TAFA1: variants seen among roughly 807,000 people sequenced by gnomAD.
The protein encoded by TAFA1 is chemokine-like protein TAFA-1.
TAFA1 carries 4 observed loss-of-function variants against 18.5 expected under a neutral mutation model. The ratio of observed to expected loss-of-function variants is 0.22; its 90% CI spans 0.11 to 0.49. The LOEUF is 0.49. TAFA1 is among the 20% of genes least tolerant of loss of function. The probability of loss-of-function intolerance (pLI) is 0.98; values close to 1 mark genes in which losing one functional copy is unlikely to be tolerated. For synonymous variants in TAFA1, 56 were observed against 55.2 expected (o/e 1.01, Z -0.06); for missense variants, 147 against 169.0 (o/e 0.87, Z 0.72).
At chr3:68,196,390 A>T (rs1484116633) in intron 2 of TAFA1, among the ~76,000 whole-genome samples, 1 of 151,680 alleles carries the variant, frequency 6.6e-6, no homozygotes, top group Non-Finnish European at 1.5e-5. Context: ...CAATCAATCA[A>T]TCTATCTATC....
intron 2 of TAFA1, among the ~76,000 whole-genome samples, chr3:68,063,496 G>T (rs541661520): frequency 1.8e-4 from 27 of 152,216 alleles, no homozygotes; most frequent in African/African-American, 6.5e-4. Context: ...TTTTTAAAAG[G>T]TTACATTTCA....
chr3:68,434,740 C>T (rs1204759727), intron 3 of TAFA1, among the ~76,000 whole-genome samples: 1 of 152,004 alleles, frequency 6.6e-6, no homozygotes, highest in African/African-American at 2.4e-5. Flanking sequence ...GACTGACTGA[C>T]AGAATTTGGT....
rs567213964 is a variant in TAFA1 at position 68,428,286 on chromosome 3, A to G, written c.259+10866A>G. ...GATGTGACTTTATCTAAAGATCCAT[A>G]TCTCCAGCCTCCAGCCAAGAGAACA... On this transcript the variant is annotated intron_variant, in intron 3 of 4. Transcript: ENST00000478136. Among the ~76,000 whole-genome samples, 5 of 152,022 alleles carry G rather than the reference A, an allele frequency of 3.3e-5. No homozygotes were observed. In the East Asian group the frequency reaches 9.7e-4, roughly 30 times the overall value.
At chr3:68,320,696 G>C (rs2106704788) in intron 2 of TAFA1, among the ~76,000 whole-genome samples, 1 of 152,260 alleles carries the variant, frequency 6.6e-6, no homozygotes, top group Admixed American at 6.5e-5. Flanking sequence ...AAGCTCTTCT[G>C]TCACCTCTGT....
At chr3:68,337,310 G>T (rs554854767) in intron 2 of TAFA1, among the ~76,000 whole-genome samples, 7 of 151,974 alleles carry the variant, frequency 4.6e-5, no homozygotes, top group African/African-American at 1.7e-4. Context: ...CAGGGGGAGC[G>T]GGGGTGGTGC....
intron 2 of TAFA1, among the ~76,000 whole-genome samples, chr3:68,184,384 A>C (rs1035140396): frequency 3.3e-5 from 5 of 152,094 alleles, no homozygotes; most frequent in Admixed American, 2.0e-4. Flanking sequence ...AAATTATTAG[A>C]GTCTGTATTT....
intron 2 of TAFA1, among the ~76,000 whole-genome samples, chr3:68,345,101 T>C (rs1407744975): frequency 6.6e-6 from 1 of 151,630 alleles, no homozygotes; most frequent in African/African-American, 2.4e-5. Context: ...ATTGGCATCA[T>C]ATGGAGTGTA....
chr3:68,065,774 A>G (rs916540476), intron 2 of TAFA1, among the ~76,000 whole-genome samples: 1 of 140,126 alleles, frequency 7.1e-6, no homozygotes. Context: ...ATACACACAC[A>G]TTACCTATGC....
intron 2 of TAFA1, among the ~76,000 whole-genome samples, chr3:68,350,415 G>C (rs188337459): frequency 2.6e-5 from 4 of 152,186 alleles, no homozygotes; most frequent in Admixed American, 2.6e-4. Flanking sequence ...CTCAAAGGCT[G>C]GTCCTTGGAC....
chr3:68,198,504 T>A (rs997555997), intron 2 of TAFA1, among the ~76,000 whole-genome samples: 1 of 151,696 alleles, frequency 6.6e-6, no homozygotes. Flanking sequence ...GGTTAAGAGT[T>A]CCTGTTGTTC....
At chr3:68,100,468 T>G (rs1185587691) in intron 2 of TAFA1, among the ~76,000 whole-genome samples, 1 of 152,084 alleles carries the variant, frequency 6.6e-6, no homozygotes, top group African/African-American at 2.4e-5. Context: ...AGGGTGTTGG[T>G]TTAGCATGGG....
At chr3:68,175,722 C>T (rs991757517) in intron 2 of TAFA1, among the ~76,000 whole-genome samples, 5 of 151,982 alleles carry the variant, frequency 3.3e-5, no homozygotes, top group Admixed American at 1.3e-4. Flanking sequence ...GACTTTGGAC[C>T]GTGGGCTTTT....
chr3:68,172,240 A>G (rs894697169), intron 2 of TAFA1, among the ~76,000 whole-genome samples: 3 of 152,196 alleles, frequency 2.0e-5, no homozygotes, highest in Admixed American at 6.5e-5. Flanking sequence ...AGGCTCCCCA[A>G]TAAGACTAAC....
At chr3:68,494,935 A>G (rs188342372) in intron 3 of TAFA1, among the ~76,000 whole-genome samples, 240 of 152,360 alleles carry the variant, frequency 1.6e-3, no homozygotes, top group Middle Eastern at 6.8e-3. Flanking sequence ...GATCAGGCTG[A>G]AAGTCTAGAT....
At chr3:68,023,837 A>T (rs1460996024) in intron 2 of TAFA1, among the ~76,000 whole-genome samples, 4 of 152,134 alleles carry the variant, frequency 2.6e-5, no homozygotes, top group Admixed American at 2.0e-4. Context: ...CCAGCTCCTC[A>T]TTTAAGTAAA....
At chr3:68,333,375 T>G (rs1378230095) in intron 2 of TAFA1, among the ~76,000 whole-genome samples, 1 of 152,154 alleles carries the variant, frequency 6.6e-6, no homozygotes, top group East Asian at 1.9e-4. Context: ...TTAAGCAAAC[T>G]AACACAGAAA....
intron 2 of TAFA1, among the ~76,000 whole-genome samples, chr3:68,103,488 A>T (rs2065171914): frequency 6.6e-6 from 1 of 152,216 alleles, no homozygotes; most frequent in South Asian, 2.1e-4. Flanking sequence ...CATCTTTATT[A>T]TTCAGCAGAA....
chr3:68,337,639 C>T (rs1466100013), intron 2 of TAFA1, among the ~76,000 whole-genome samples: 2 of 152,114 alleles, frequency 1.3e-5, no homozygotes, highest in African/African-American at 4.8e-5. Context: ...TCCTGTGTCC[C>T]TGTGTTATTC....
chr3:68,197,353 T>C (rs530939033), intron 2 of TAFA1, among the ~76,000 whole-genome samples: 1 of 151,842 alleles, frequency 6.6e-6, no homozygotes, highest in East Asian at 2.0e-4. Context: ...GTGGGTATGG[T>C]ATGGAGTATT....
Sources: gnomAD v4.1 joint callset for allele counts (sites outside exome capture counted in the v4.1 genomes callset) on GRCh38, gnomAD v4.1.1 for gene constraint, MANE v1.5 for transcripts, NCBI Gene and HGNC (gene_info 2026-07-23, HGNC 2026-07-21) for gene names.